The following CDH18 variants were observed in gnomAD, a reference collection of about 807,000 sequenced individuals.
CDH18 encodes the protein cadherin-18.
A neutral mutation model predicts 67.9 loss-of-function variants in CDH18; 31 were observed. The observed-to-expected ratio is 0.46, with a 90% confidence interval of 0.34 to 0.62. The LOEUF is 0.62. CDH18 is among the 20% of genes least tolerant of loss of function. CDH18 has a pLI of 0.01. For missense variants in CDH18, 890 were observed against 975.5 expected (o/e 0.91, Z 1.17); for synonymous variants, 362 against 347.2 (o/e 1.04, Z -0.48).
intron 1 of CDH18, among the ~76,000 whole-genome samples, chr5:20,510,863 A>G (rs1754989703): frequency 6.6e-6 from 1 of 152,184 alleles, no homozygotes; most frequent in East Asian, 1.9e-4. Flanking sequence ...CCAAGAGAAC[A>G]AAATAGAAAA....
chr5:20,135,882 T>G (rs1478042158), intron 2 of CDH18, among the ~76,000 whole-genome samples: 1 of 152,218 alleles, frequency 6.6e-6, no homozygotes. Context: ...GTTGTTCAGT[T>G]TCCATGTAGT....
chr5:19,627,196 C>T (rs920250691), intron 5 of CDH18, among the ~76,000 whole-genome samples: 1 of 152,090 alleles, frequency 6.6e-6, no homozygotes, highest in Non-Finnish European at 1.5e-5. Flanking sequence ...GAGAAAACAA[C>T]TAAAGCAGTT....
At chr5:20,243,153 C>T (rs529092590) in intron 2 of CDH18, among the ~76,000 whole-genome samples, 1 of 152,028 alleles carries the variant, frequency 6.6e-6, no homozygotes, top group East Asian at 1.9e-4. Context: ...TGTAGTCTCT[C>T]TTCTAGTTAG....
intron 12 of CDH18, among the ~76,000 whole-genome samples, chr5:19,474,128 G>T (rs1738044947): frequency 6.6e-6 from 1 of 152,098 alleles, no homozygotes; most frequent in Non-Finnish European, 1.5e-5. Flanking sequence ...CTTCTAGGTA[G>T]ATACACTAAA....
intron 1 of CDH18, among the ~76,000 whole-genome samples, chr5:20,336,324 G>C (rs1353004791): frequency 6.6e-6 from 1 of 152,166 alleles, no homozygotes; most frequent in Non-Finnish European, 1.5e-5. Flanking sequence ...CAGATAGAGA[G>C]GGAGAGTCTC....
intron 1 of CDH18, among the ~76,000 whole-genome samples, chr5:20,356,987 A>T (rs1741684563): frequency 6.6e-6 from 1 of 151,376 alleles, no homozygotes; most frequent in Non-Finnish European, 1.5e-5. Flanking sequence ...ATGTAGTAAT[A>T]ACTATAGCAA....
At chr5:19,616,101 G>A (rs1271588449) in intron 5 of CDH18, among the ~76,000 whole-genome samples, 1 of 152,092 alleles carries the variant, frequency 6.6e-6, no homozygotes, top group Non-Finnish European at 1.5e-5. Flanking sequence ...TGTGAACAGT[G>A]TTGAAATAAG....
chr5:20,137,694 C>G (rs902427121), intron 2 of CDH18, among the ~76,000 whole-genome samples: 1 of 152,034 alleles, frequency 6.6e-6, no homozygotes, highest in Non-Finnish European at 1.5e-5. Flanking sequence ...CAGCTTTTCT[C>G]CTCTGTTTTT....
intron 2 of CDH18, among the ~76,000 whole-genome samples, chr5:19,853,056 G>A (rs1479416025): frequency 6.6e-6 from 1 of 152,092 alleles, no homozygotes; most frequent in African/African-American, 2.4e-5. Context: ...CAGTAAAACT[G>A]TGAGAGGCAT....
intron 2 of CDH18, among the ~76,000 whole-genome samples, chr5:19,999,347 C>T (rs188763951): frequency 6.6e-6 from 1 of 152,150 alleles, no homozygotes; most frequent in Admixed American, 6.5e-5. Flanking sequence ...CGCCTATGAT[C>T]CTAGCACTTT....
chr5:20,397,524 T>G (rs1243036067), intron 1 of CDH18, among the ~76,000 whole-genome samples: 1 of 152,182 alleles, frequency 6.6e-6, no homozygotes, highest in Admixed American at 6.5e-5. Context: ...AATTTAATTC[T>G]TATAAACGTC....
At chr5:20,414,350 G>C (rs1039999709) in intron 1 of CDH18, among the ~76,000 whole-genome samples, 14 of 152,298 alleles carry the variant, frequency 9.2e-5, no homozygotes, top group Middle Eastern at 3.4e-3. Context: ...CTTATCTTAA[G>C]TGAATTAACA....
intron 2 of CDH18, among the ~76,000 whole-genome samples, chr5:20,193,946 A>G (rs977069142): frequency 6.6e-6 from 1 of 152,158 alleles, no homozygotes; most frequent in African/African-American, 2.4e-5. Flanking sequence ...AATGGAACAT[A>G]TCTCAAAATA....
intron 2 of CDH18, among the ~76,000 whole-genome samples, chr5:19,935,606 T>G (rs900312058): frequency 1.3e-5 from 2 of 151,322 alleles, no homozygotes; most frequent in African/African-American, 4.8e-5. Flanking sequence ...TTAAGCACAT[T>G]CTGTGATGTT....
chr5:19,596,847 C>T (rs2150049662), intron 6 of CDH18, among the ~76,000 whole-genome samples: 1 of 152,306 alleles, frequency 6.6e-6, no homozygotes, highest in East Asian at 1.9e-4. Flanking sequence ...ATATTTTGTA[C>T]ACTCTCCATT....
intron 2 of CDH18, among the ~76,000 whole-genome samples, chr5:20,157,843 T>C (rs1751661497): frequency 6.6e-6 from 1 of 152,100 alleles, no homozygotes; most frequent in Admixed American, 6.6e-5. Flanking sequence ...GGTTTCACCA[T>C]GTTGGCCAGG....
chr5:20,311,152 G>C (rs1040989472), intron 1 of CDH18, among the ~76,000 whole-genome samples: 3 of 152,124 alleles, frequency 2.0e-5, no homozygotes, highest in Non-Finnish European at 4.4e-5. Context: ...AACAACAGAT[G>C]CTGGAGAGGA....
At chr5:19,505,737 T>G (rs566118154) in intron 10 of CDH18, among the ~76,000 whole-genome samples, 2 of 152,220 alleles carry the variant, frequency 1.3e-5, no homozygotes, top group African/African-American at 2.4e-5. Context: ...TTATTGAGGA[T>G]TTTTGTATCG....
intron 2 of CDH18, among the ~76,000 whole-genome samples, chr5:20,254,502 G>C (rs1353630302): frequency 6.6e-6 from 1 of 152,166 alleles, no homozygotes; most frequent in African/African-American, 2.4e-5. Flanking sequence ...TAAAACCTTT[G>C]TTAGATAAGC....
Sources: gnomAD v4.1 joint callset for allele counts (sites outside exome capture counted in the v4.1 genomes callset) on GRCh38, gnomAD v4.1.1 for gene constraint, MANE v1.5 for transcripts, NCBI Gene and HGNC (gene_info 2026-07-23, HGNC 2026-07-21) for gene names.